Variants in TCF7 observed in about 807,000 individuals in gnomAD.
The protein encoded by TCF7 is T-cell-factor-7.
Under a neutral mutation model 46.8 loss-of-function variants are expected in TCF7, and 19 were observed. The ratio of observed to expected loss-of-function variants is 0.41; its 90% CI spans 0.28 to 0.60. The LOEUF (loss-of-function observed/expected upper bound fraction) is 0.60, where lower values mean the gene tolerates loss of function less well. TCF7 is among the 20% of genes least tolerant of loss of function. The pLI, the probability that TCF7 is intolerant of heterozygous loss-of-function variation, is 0.35. For synonymous variants in TCF7, 245 were observed against 213.4 expected (o/e 1.15, Z -1.29); for missense variants, 547 against 504.6 (o/e 1.08, Z -0.81).
intron 3 of TCF7, among the ~76,000 whole-genome samples, chr5:134,125,536 T>C (rs1288057433): frequency 1.3e-5 from 2 of 152,224 alleles, no homozygotes; most frequent in African/African-American, 2.4e-5. Flanking sequence ...CCTGTGGCTG[T>C]ACCCAAGGCA....
chr5:134,126,384 T>G (rs937580528), intron 3 of TCF7, among the ~76,000 whole-genome samples: 2 of 152,104 alleles, frequency 1.3e-5, no homozygotes, highest in African/African-American at 2.4e-5. Context: ...GGGGGTGGTG[T>G]TAGGGATGGA....
intron 3 of TCF7, among the ~76,000 whole-genome samples, chr5:134,132,177 C>G (rs549835491): frequency 6.6e-6 from 1 of 152,318 alleles, no homozygotes; most frequent in African/African-American, 2.4e-5. Flanking sequence ...TGACCTTGTG[C>G]CTCAGCTTCC....
intron 3 of TCF7, among the ~76,000 whole-genome samples, chr5:134,120,437 C>T (rs1756409673): frequency 6.6e-6 from 1 of 152,202 alleles, no homozygotes; most frequent in Non-Finnish European, 1.5e-5. Flanking sequence ...AGCCACTCAT[C>T]ACAGCCGAGT....
In TCF7 at chr5:134,115,059, CA is replaced by C; in HGVS notation, c.155del (p.Lys52SerfsTer5). The C allele has an allele frequency of 8.3e-7, 1 of 1,209,884 alleles. No individual in the cohort carries two copies. Among genetic ancestry groups the C allele is most frequent in the South Asian group, 1.7e-5 (1 of 60,282 alleles). 74.9% of individuals were successfully genotyped at this position (1,209,884 alleles called of 1,614,324 possible). The stretch of plus-strand genomic sequence containing the variant: ...GTCCCGAGCGCGACCTGGCCGAGCT[CA>C]AGTCGTCGCTCGTGAACGAGTCCGA... ...AGPERDLAEL[K>X]SSLVNESEGA... On this transcript the variant is annotated frameshift_variant, in exon 1 of 10. Transcript: ENST00000342854. LOFTEE classifies it high-confidence loss of function.
At chr5:134,143,827 G>A (rs1760265499) in intron 9 of TCF7, 187 bp downstream of exon 9, 1 of 637,540 alleles carries the variant, frequency 1.6e-6, no homozygotes, top group Non-Finnish European at 2.7e-6. Context: ...ATTATACTAA[G>A]TCCCAGGGAA....
intron 3 of TCF7, among the ~76,000 whole-genome samples, chr5:134,121,585 CA>C (rs372851057): frequency 0.056 from 5,571 of 99,966 alleles, 315 homozygotes; most frequent in African/African-American, 0.16. Context: ...CCAGACTCCT[CA>C]AAAAAAAAAA....
intron 3 of TCF7, among the ~76,000 whole-genome samples, chr5:134,120,751 C>G (rs1756459870): frequency 6.6e-6 from 1 of 152,274 alleles, no homozygotes; most frequent in South Asian, 2.1e-4. Flanking sequence ...CCTGGCAACT[C>G]TTCGGGCTCA....
rs769036049 is a variant in TCF7, at chr5:134,142,973, G to T, written c.919-20G>T. ...GCTGACTCCCTGATGCACCCCACCT[G>T]CCCCTCTTCCCTGTTGCAGTGGCAC... is the stretch of plus-strand genomic sequence containing the variant. On this transcript the variant is annotated intron_variant, in intron 7 of 9. Coordinates refer to ENST00000342854, the MANE Select transcript of TCF7 (RefSeq NM_003202.5). 5 of 1,613,436 alleles carry T rather than the reference G, an allele frequency of 3.1e-6. No homozygotes were observed. The highest frequency in any genetic ancestry group is 4.5e-5 in the East Asian group (2 of 44,858).
upstream of TCF7, among the ~76,000 whole-genome samples, chr5:134,113,278 G>A (rs922578951): frequency 1.3e-5 from 2 of 152,240 alleles, no homozygotes; most frequent in Non-Finnish European, 2.9e-5. Context: ...CCTGGGGAAA[G>A]GAGGAAAAGT....
At chr5:134,126,698 A>G (rs1757389799) in intron 3 of TCF7, among the ~76,000 whole-genome samples, 1 of 152,166 alleles carries the variant, frequency 6.6e-6, no homozygotes, top group South Asian at 2.1e-4. Context: ...GGAGTTTGAG[A>G]CCAGCCTGAC....
intron 3 of TCF7, among the ~76,000 whole-genome samples, chr5:134,128,254 A>G (rs1757617947): frequency 6.6e-6 from 1 of 152,032 alleles, no homozygotes; most frequent in Non-Finnish European, 1.5e-5. Flanking sequence ...TGTGTTTCTG[A>G]GAGTTGTCTG....
intron 9 of TCF7, chr5:134,144,548 C>A: frequency 3.9e-6 from 2 of 512,542 alleles, no homozygotes. Flanking sequence ...ACAGGACTCC[C>A]TCCCTCCCAT....
upstream of TCF7, among the ~76,000 whole-genome samples, chr5:134,114,046 CCTGA>C (rs1755460108): frequency 6.6e-6 from 1 of 152,156 alleles, no homozygotes; most frequent in Non-Finnish European, 1.5e-5. Context: ...GGAGCCGTCG[CCTGA>C]CTGAGGGGCC....
intron 3 of TCF7, among the ~76,000 whole-genome samples, chr5:134,122,324 C>T (rs1756707639): frequency 6.6e-6 from 1 of 152,058 alleles, no homozygotes; most frequent in Non-Finnish European, 1.5e-5. Flanking sequence ...TTCCCAAGGC[C>T]CAGGGCTGGC....
chr5:134,132,644 T>C (rs1416093637), intron 3 of TCF7, among the ~76,000 whole-genome samples: 6 of 151,816 alleles, frequency 4.0e-5, no homozygotes, highest in Non-Finnish European at 8.8e-5. Context: ...TGGCAAGGGC[T>C]GTCAGCGTGC....
At chr5:134,143,889 C>G in intron 9 of TCF7, 1 of 517,772 alleles carries the variant, frequency 1.9e-6, no homozygotes, top group Non-Finnish European at 3.5e-6. Context: ...TGGTGCGTTC[C>G]TCTGCCTTGC....
At chr5:134,116,214 G>T in intron 3 of TCF7, 181 bp downstream of exon 3, 1 of 1,339,848 alleles carries the variant, frequency 7.5e-7, no homozygotes, top group Non-Finnish European at 9.7e-7. Flanking sequence ...AGGAAGGAGG[G>T]GCCGCCCTGG....
At chr5:134,108,912 C>T in the TCF7 span, among the ~76,000 whole-genome samples, 1 of 152,184 alleles carries the variant, frequency 6.6e-6, no homozygotes, top group Admixed American at 6.5e-5. Context: ...CCTCTTCTCT[C>T]CTAGGCTGAC....
chr5:134,132,430 G>T (rs1758254623), intron 3 of TCF7, among the ~76,000 whole-genome samples: 1 of 152,184 alleles, frequency 6.6e-6, no homozygotes, highest in Non-Finnish European at 1.5e-5. Flanking sequence ...GATCTCTTGG[G>T]GGGCTGTTTC....
Sources: gnomAD v4.1 joint callset for allele counts (sites outside exome capture counted in the v4.1 genomes callset) on GRCh38, gnomAD v4.1.1 for gene constraint, MANE v1.5 for transcripts, NCBI Gene and HGNC (gene_info 2026-07-23, HGNC 2026-07-21) for gene names.